HOMER1: variants seen among roughly 807,000 people sequenced by gnomAD.
The protein encoded by HOMER1 is homer scaffold protein 1.
A neutral mutation model predicts 48.9 loss-of-function variants in HOMER1; 3 were observed. The ratio of observed to expected loss-of-function variants is 0.06; its 90% CI spans 0.03 to 0.16. The LOEUF is 0.16. Among genes scored for constraint, HOMER1 ranks in the 10% least tolerant of loss-of-function variants. The pLI, the probability that HOMER1 is intolerant of heterozygous loss-of-function variation, is 1.00. For synonymous variants in HOMER1, 134 were observed against 146.4 expected, an observed-to-expected ratio of 0.92 and a Z score of 0.61; for missense variants, 247 against 411.4, an observed-to-expected ratio of 0.60 and a Z score of 3.46.
chr5:79,456,493 A>G (rs922200517), intron 2 of HOMER1, among the ~76,000 whole-genome samples: 2 of 152,244 alleles, frequency 1.3e-5, no homozygotes, highest in African/African-American at 2.4e-5. Flanking sequence ...AACTGCTACT[A>G]GTCTGTAGCA....
intron 1 of HOMER1, among the ~76,000 whole-genome samples, chr5:79,493,675 T>C (rs1037636613): frequency 4.6e-5 from 7 of 152,352 alleles, no homozygotes; most frequent in Admixed American, 1.3e-4. Flanking sequence ...CCTCCATCTG[T>C]GCTCCATATT....
At chr5:79,506,895 T>C (rs911609894) in intron 1 of HOMER1, among the ~76,000 whole-genome samples, 5 of 151,832 alleles carry the variant, frequency 3.3e-5, no homozygotes, top group Admixed American at 1.3e-4. Context: ...CTGAAGACCA[T>C]TGAATGATTA....
chr5:79,390,655 T>C (rs1283977258), intron 8 of HOMER1, among the ~76,000 whole-genome samples: 2 of 151,978 alleles, frequency 1.3e-5, no homozygotes, highest in Non-Finnish European at 2.9e-5. Context: ...ACAAGCAGCA[T>C]TGATAAAAAC....
chr5:79,399,752 T>C (rs546677064), intron 6 of HOMER1, among the ~76,000 whole-genome samples: 28 of 152,136 alleles, frequency 1.8e-4, no homozygotes, highest in Non-Finnish European at 3.2e-4. Flanking sequence ...GACTAGTCAT[T>C]TTTCTGAAAA....
At chr5:79,388,795 G>A (rs1318404902) in intron 8 of HOMER1, among the ~76,000 whole-genome samples, 1 of 151,876 alleles carries the variant, frequency 6.6e-6, no homozygotes, top group Non-Finnish European at 1.5e-5. Context: ...TAATCCTAGA[G>A]AATGAAAGTG....
chr5:79,435,682 T>G (rs1480874585), intron 5 of HOMER1, among the ~76,000 whole-genome samples: 1 of 147,080 alleles, frequency 6.8e-6, no homozygotes, highest in East Asian at 2.0e-4. Context: ...ATACAAAAAA[T>G]TAGCAGGGTG....
At chr5:79,461,365 G>T (rs1751313849) in intron 1 of HOMER1, among the ~76,000 whole-genome samples, 1 of 152,070 alleles carries the variant, frequency 6.6e-6, no homozygotes, top group South Asian at 2.1e-4. Context: ...ATAAATAAAG[G>T]TTAGACACTG....
chr5:79,435,491 T>A (rs1022756820), intron 5 of HOMER1, among the ~76,000 whole-genome samples: 12 of 152,270 alleles, frequency 7.9e-5, no homozygotes, highest in Non-Finnish European at 2.9e-5. Context: ...TGGCAAAAAA[T>A]TTTTTTGCTA....
At chr5:79,467,850 C>T (rs1185750784) in intron 1 of HOMER1, among the ~76,000 whole-genome samples, 2 of 152,122 alleles carry the variant, frequency 1.3e-5, no homozygotes, top group African/African-American at 2.4e-5. Context: ...GATCAGAGCT[C>T]ACTTCAGCCT....
intron 1 of HOMER1, among the ~76,000 whole-genome samples, chr5:79,469,889 C>G (rs1337032313): frequency 6.6e-6 from 1 of 152,194 alleles, no homozygotes; most frequent in Admixed American, 6.5e-5. Context: ...CAAATATAAT[C>G]CCTGTAGTGA....
intron 5 of HOMER1, among the ~76,000 whole-genome samples, chr5:79,409,573 AC>A (rs1365815328): frequency 6.6e-6 from 1 of 152,240 alleles, no homozygotes; most frequent in Non-Finnish European, 1.5e-5. Flanking sequence ...GTGCCAAAGG[AC>A]ACAATCAACA....
At position 79,512,903 on chromosome 5, in the gene HOMER1, T is replaced by C; in HGVS notation, c.-129A>G. On this transcript the variant is annotated 5_prime_UTR_variant, in exon 1 of 9. Transcript: ENST00000334082. ...ACCCCCAGATCCTTGTCCGGAGGTA[T>C]TTCAAGGATGCTGCCAATTCAATTA... is the stretch of plus-strand genomic sequence containing the variant. 1 of 797,106 alleles carries C rather than the reference T, an allele frequency of 1.3e-6. No individual in the cohort carries two copies. The highest frequency in any genetic ancestry group is 1.5e-5 in the South Asian group (1 of 66,466). The allele number at this position is 797,106 out of a possible 1,614,324, so 49.4% of individuals were successfully genotyped here. A position where few individuals can be genotyped will look rare whatever the true frequency, so the allele number is the denominator to read the frequency against.
chr5:79,452,377 A>C lies in HOMER1; in HGVS notation c.163-1256T>G, dbSNP rs372336270. 1.3e-4 allele frequency among the ~76,000 whole-genome samples: 20 copies of C among 152,314 alleles called. 1 individual carries two copies. Among genetic ancestry groups the C allele is most frequent in the Admixed American group, 5.9e-4 (9 of 15,304 alleles). On this transcript the variant is annotated intron_variant, in intron 2 of 8. Transcript: ENST00000334082. ...TTCAATTATCATAAAATATTAACTC[A>C]TTCTCTCTGCTAATACCATAAAAGT...
chr5:79,422,630 CAGT>C (rs1158119433), intron 5 of HOMER1, among the ~76,000 whole-genome samples: 1 of 150,560 alleles, frequency 6.6e-6, no homozygotes, highest in Non-Finnish European at 1.5e-5. Flanking sequence ...AAGAAAAAAA[CAGT>C]AGAGATAAAA....
intron 5 of HOMER1, among the ~76,000 whole-genome samples, chr5:79,408,879 T>C (rs1402022949): frequency 6.6e-6 from 1 of 151,862 alleles, no homozygotes; most frequent in African/African-American, 2.4e-5. Context: ...GGCCAGGAGT[T>C]TGAGAACAGA....
intron 3 of HOMER1, 83 bp from the exon 4 acceptor site, chr5:79,447,228 T>G (rs117036300): frequency 1.4e-5 from 11 of 789,872 alleles, no homozygotes; most frequent in Non-Finnish European, 2.4e-5. Context: ...TTATTCATTT[T>G]CTGAATAACT....
intron 1 of HOMER1, among the ~76,000 whole-genome samples, chr5:79,463,295 A>C (rs1396292188): frequency 1.3e-5 from 2 of 152,214 alleles, no homozygotes; most frequent in African/African-American, 4.8e-5. Flanking sequence ...AGAAATAACC[A>C]AGAAAAGTTT....
At chr5:79,484,230 AAAAAG>A (rs1346427531) in intron 1 of HOMER1, among the ~76,000 whole-genome samples, 1 of 152,176 alleles carries the variant, frequency 6.6e-6, no homozygotes, top group Non-Finnish European at 1.5e-5. Flanking sequence ...AGAATCATTT[AAAAAG>A]AAAAGGTATA....
At chr5:79,424,089 C>T (rs1032413619) in intron 5 of HOMER1, among the ~76,000 whole-genome samples, 4 of 151,976 alleles carry the variant, frequency 2.6e-5, no homozygotes, top group African/African-American at 4.8e-5. Context: ...GTTTTAAATA[C>T]CAGAAAAGCA....
Sources: gnomAD v4.1 joint callset for allele counts (sites outside exome capture counted in the v4.1 genomes callset) on GRCh38, gnomAD v4.1.1 for gene constraint, MANE v1.5 for transcripts, NCBI Gene and HGNC (gene_info 2026-07-23, HGNC 2026-07-21) for gene names.